The following MYO16 variants were observed in gnomAD, a reference collection of about 807,000 sequenced individuals.
MYO16 encodes myosin XVI.
In MYO16, 94 loss-of-function variants were observed where a neutral mutation model predicts 205.3. That is an observed-to-expected ratio of 0.46 (90% CI 0.39 to 0.54). The LOEUF (loss-of-function observed/expected upper bound fraction) is 0.54, where lower values mean the gene tolerates loss of function less well. Among genes scored for constraint, MYO16 ranks in the 20% least tolerant of loss-of-function variants. The pLI is 0.00. For missense variants in MYO16, 2,315 were observed against 2,387.5 expected (o/e 0.97, Z 0.63); for synonymous variants, 988 against 954.0 (o/e 1.04, Z -0.66).
chr13:108,833,001 G>A (rs925747645), intron 9 of MYO16, among the ~76,000 whole-genome samples: 5 of 152,132 alleles, frequency 3.3e-5, no homozygotes, highest in African/African-American at 1.2e-4. Flanking sequence ...CATTCAGGGA[G>A]CATTCCTAGC....
At chr13:108,599,187 C>A (rs1878671765) in intron 1 of MYO16, among the ~76,000 whole-genome samples, 1 of 150,956 alleles carries the variant, frequency 6.6e-6, no homozygotes, top group Non-Finnish European at 1.5e-5. Context: ...TTTTTTATGG[C>A]TGCATAGTAT....
chr13:108,520,213 C>T, the MYO16 span, among the ~76,000 whole-genome samples: 4 of 151,782 alleles, frequency 2.6e-5, no homozygotes, highest in Non-Finnish European at 2.9e-5. Context: ...AATTATATGT[C>T]GTAAGATCTG....
At chr13:108,547,945 T>A in the MYO16 span, among the ~76,000 whole-genome samples, 1 of 152,180 alleles carries the variant, frequency 6.6e-6, no homozygotes, top group East Asian at 1.9e-4. Context: ...CAGTGTGGTT[T>A]GTTGGAAAAA....
intron 4 of MYO16, among the ~76,000 whole-genome samples, chr13:108,783,469 A>C (rs901996089): frequency 6.6e-6 from 1 of 152,140 alleles, no homozygotes; most frequent in Non-Finnish European, 1.5e-5. Flanking sequence ...CTCAGATGAA[A>C]CTTTGGACTG....
At chr13:109,030,611 G>C (rs1886517291) in intron 23 of MYO16, among the ~76,000 whole-genome samples, 1 of 152,112 alleles carries the variant, frequency 6.6e-6, no homozygotes, top group South Asian at 2.1e-4. Flanking sequence ...TGTGAATATT[G>C]ATGATGTTTC....
chr13:108,770,610 T>A (rs1885930088), intron 4 of MYO16, among the ~76,000 whole-genome samples: 1 of 152,190 alleles, frequency 6.6e-6, no homozygotes, highest in African/African-American at 2.4e-5. Flanking sequence ...TACCACCTCA[T>A]AACTCTCTTT....
chr13:108,686,618 C>G (rs530879661), intron 2 of MYO16, among the ~76,000 whole-genome samples: 4 of 152,268 alleles, frequency 2.6e-5, no homozygotes, highest in Admixed American at 2.6e-4. Context: ...AATGATCGTT[C>G]CTAAAACTAG....
chr13:109,050,277 T>A (rs941596613), intron 24 of MYO16, among the ~76,000 whole-genome samples: 4 of 152,160 alleles, frequency 2.6e-5, no homozygotes, highest in Admixed American at 6.6e-5. Flanking sequence ...TGACTTTTTT[T>A]AATGCCAGTT....
intron 16 of MYO16, among the ~76,000 whole-genome samples, chr13:108,921,237 C>T (rs970495621): frequency 3.3e-5 from 5 of 152,168 alleles, no homozygotes; most frequent in Admixed American, 1.3e-4. Context: ...CCTTGTCCAC[C>T]GGGCCTTCCT....
At chr13:108,640,434 T>C (rs1051862010) in intron 1 of MYO16, among the ~76,000 whole-genome samples, 2 of 152,114 alleles carry the variant, frequency 1.3e-5, no homozygotes, top group African/African-American at 4.8e-5. Flanking sequence ...ACAGAACACA[T>C]ATGAGCTTTG....
chr13:108,576,366 A>C, the MYO16 span, among the ~76,000 whole-genome samples: 1 of 152,204 alleles, frequency 6.6e-6, no homozygotes, highest in African/African-American at 2.4e-5. Context: ...TTTGGGAAGT[A>C]CTGAAGCCTG....
At chr13:108,783,361 G>A (rs555705682) in intron 4 of MYO16, among the ~76,000 whole-genome samples, 1 of 152,266 alleles carries the variant, frequency 6.6e-6, no homozygotes, top group South Asian at 2.1e-4. Flanking sequence ...CATTTCGAAT[G>A]GTTGTATTTA....
rs200718263 is a variant in MYO16 at position 108,964,741 on chromosome 13, T to A, written c.2228-20T>A. 3.3e-5 allele frequency: 53 copies of A among 1,612,720 alleles called. 1 individual carries two copies. The Middle Eastern group carries it at 2.1e-3, about 65-fold the overall frequency. Reference sequence around the variant, plus strand: ...AGGGAACCCTTGTGCTCACTCCTCCTTTTCTTTCTACCATTTTAGGGGATA... The same window carrying A: ...AGGGAACCCTTGTGCTCACTCCTCCATTTCTTTCTACCATTTTAGGGGATA... On this transcript the variant is annotated intron_variant, in intron 19 of 34. Transcript: ENST00000457511.
intron 33 of MYO16, among the ~76,000 whole-genome samples, chr13:109,167,772 A>C (rs867248099): frequency 3.9e-5 from 6 of 152,208 alleles, no homozygotes; most frequent in Admixed American, 3.3e-4. Flanking sequence ...ATCTTCGAAA[A>C]GTAGCAACTG....
chr13:108,816,879 T>G (rs1226961616), intron 7 of MYO16, among the ~76,000 whole-genome samples: 10 of 152,068 alleles, frequency 6.6e-5, no homozygotes, highest in Non-Finnish European at 5.9e-5. Flanking sequence ...AGACTAATAG[T>G]AAAAAGTTAA....
chr13:109,032,517 A>C (rs756352271), intron 23 of MYO16, among the ~76,000 whole-genome samples: 10 of 152,222 alleles, frequency 6.6e-5, no homozygotes, highest in Non-Finnish European at 1.5e-4. Context: ...TTAGAGGACA[A>C]AGGAAGAAAC....
At chr13:109,005,489 T>C (rs1047624832) in intron 21 of MYO16, among the ~76,000 whole-genome samples, 3 of 152,172 alleles carry the variant, frequency 2.0e-5, no homozygotes, top group Non-Finnish European at 2.9e-5. Context: ...TACTTTAATA[T>C]TTTGTTTGGT....
chr13:109,137,363 T>C (rs1876827119), intron 31 of MYO16, among the ~76,000 whole-genome samples: 1 of 152,220 alleles, frequency 6.6e-6, no homozygotes, highest in Non-Finnish European at 1.5e-5. Context: ...TGGAAGAGCA[T>C]GTGGCGCTGA....
chr13:109,052,146 G>C (rs1887264899), intron 24 of MYO16, among the ~76,000 whole-genome samples, 154 bp from the exon 25 acceptor site: 1 of 152,138 alleles, frequency 6.6e-6, no homozygotes, highest in African/African-American at 2.4e-5. Flanking sequence ...AATAAAATAA[G>C]GATACAGGAA....
Sources: gnomAD v4.1 joint callset for allele counts (sites outside exome capture counted in the v4.1 genomes callset) on GRCh38, gnomAD v4.1.1 for gene constraint, MANE v1.5 for transcripts, NCBI Gene and HGNC (gene_info 2026-07-23, HGNC 2026-07-21) for gene names.